The following ASIC2 variants were observed in gnomAD, a reference collection of about 807,000 sequenced individuals.
ASIC2 encodes acid-sensing ion channel 2.
Under a neutral mutation model 57.3 loss-of-function variants are expected in ASIC2, and 25 were observed. The ratio of observed to expected loss-of-function variants is 0.44; its 90% CI spans 0.32 to 0.61. The LOEUF (loss-of-function observed/expected upper bound fraction) is 0.61. Ranked by LOEUF, ASIC2 falls within the 20% of genes least tolerant of loss-of-function variation. The pLI is 0.06. For missense variants in ASIC2, 641 were observed against 738.1 expected (o/e 0.87, Z 1.52); for synonymous variants, 319 against 307.5 (o/e 1.04, Z -0.39).
intron 1 of ASIC2, among the ~76,000 whole-genome samples, chr17:33,685,109 C>T (rs1908140140): frequency 6.6e-6 from 1 of 152,130 alleles, no homozygotes; most frequent in East Asian, 1.9e-4. Context: ...TCTGGTTCCC[C>T]CTGGGGGGGC....
At chr17:33,446,214 C>A (rs1210158939) in intron 1 of ASIC2, among the ~76,000 whole-genome samples, 1 of 152,004 alleles carries the variant, frequency 6.6e-6, no homozygotes, top group Non-Finnish European at 1.5e-5. Context: ...TTTTTCTTCC[C>A]AAGAACATCC....
intron 1 of ASIC2, among the ~76,000 whole-genome samples, chr17:34,024,633 C>T (rs1907305114): frequency 6.6e-6 from 1 of 152,180 alleles, no homozygotes; most frequent in African/African-American, 2.4e-5. Flanking sequence ...TCTGGGTTTC[C>T]ATTGCCTGTT....
intron 1 of ASIC2, among the ~76,000 whole-genome samples, chr17:34,125,168 A>G (rs533804487): frequency 6.6e-6 from 1 of 151,788 alleles, no homozygotes; most frequent in Non-Finnish European, 1.5e-5. Context: ...CCCTCACCAC[A>G]GTGCTACTGA....
chr17:33,960,468 T>C (rs1405010594), intron 1 of ASIC2, among the ~76,000 whole-genome samples: 2 of 152,212 alleles, frequency 1.3e-5, no homozygotes, highest in Non-Finnish European at 2.9e-5. Context: ...GACTGGAGAT[T>C]GATCCTGGAC....
chr17:33,395,055 C>CCCAT (rs1174543202), intron 1 of ASIC2, among the ~76,000 whole-genome samples: 1 of 146,246 alleles, frequency 6.8e-6, no homozygotes, highest in Non-Finnish European at 1.5e-5. Flanking sequence ...CATCCACCTA[C>CCCAT]CCATCCATCC....
chr17:34,084,701 A>C (rs888025925), intron 1 of ASIC2, among the ~76,000 whole-genome samples: 1 of 152,036 alleles, frequency 6.6e-6, no homozygotes, highest in African/African-American at 2.4e-5. Context: ...ATTTGTTTGT[A>C]TCCTCTTTTA....
intron 1 of ASIC2, among the ~76,000 whole-genome samples, chr17:33,582,049 A>G (rs976000825): frequency 7.2e-5 from 11 of 152,190 alleles, no homozygotes; most frequent in African/African-American, 2.7e-4. Context: ...CCCTGCCTCC[A>G]GACCCTTATT....
At position 33,469,099 on chromosome 17, in the gene ASIC2, C is replaced by A. The variant is rs1048951960; in HGVS notation, c.556-357032G>T. 2.0e-5 allele frequency among the ~76,000 whole-genome samples: 3 copies of A among 152,340 alleles called. No homozygotes were observed. The South Asian group carries it at 6.2e-4, about 32-fold the overall frequency. Reference sequence around the variant, plus strand: ...GTTGGCAGGATGCTTTCTGGCATTGCCAACCCAGAAGGGCCTAAGCAGTGG... The same window carrying A: ...GTTGGCAGGATGCTTTCTGGCATTGACAACCCAGAAGGGCCTAAGCAGTGG... On this transcript the variant is annotated intron_variant, in intron 1 of 9. Coordinates refer to the ASIC2 transcript ENST00000359872.
At chr17:33,511,947 G>C (rs1280812612) in intron 1 of ASIC2, among the ~76,000 whole-genome samples, 2 of 152,160 alleles carry the variant, frequency 1.3e-5, no homozygotes, top group Non-Finnish European at 2.9e-5. Context: ...AAACCACAGA[G>C]GTCAAGAGGG....
At chr17:34,139,676 T>A (rs998642827) in intron 1 of ASIC2, among the ~76,000 whole-genome samples, 14 of 152,194 alleles carry the variant, frequency 9.2e-5, no homozygotes, top group African/African-American at 3.4e-4. Context: ...ACTACATGAC[T>A]GCATTTATAC....
At chr17:33,935,122 A>G (rs1279260726) in intron 1 of ASIC2, among the ~76,000 whole-genome samples, 1 of 152,056 alleles carries the variant, frequency 6.6e-6, no homozygotes, top group Non-Finnish European at 1.5e-5. Context: ...GCCCCAAACA[A>G]TCATGTCACA....
rs554901896 is a variant in ASIC2, at chr17:33,666,369, G to A, written c.555+489609C>T. Among the ~76,000 whole-genome samples the A allele has an allele frequency of 3.3e-5, 5 of 152,282 alleles. No individual in the cohort carries two copies. The East Asian group carries it at 5.8e-4, about 18-fold the overall frequency. On this transcript the variant is annotated intron_variant, in intron 1 of 9. Coordinates refer to the ASIC2 transcript ENST00000359872. Reference sequence around the variant, plus strand: ...GATTTTGAGTGTGTGGGTGGCAGAAGGTACTTTTAGGTTGGGGTCACAGTG... The same window carrying A: ...GATTTTGAGTGTGTGGGTGGCAGAAAGTACTTTTAGGTTGGGGTCACAGTG...
intron 1 of ASIC2, among the ~76,000 whole-genome samples, chr17:33,631,750 G>C (rs1294107792): frequency 1.3e-5 from 2 of 152,154 alleles, no homozygotes; most frequent in African/African-American, 4.8e-5. Context: ...GAACTCTGGA[G>C]CACCTGAAAA....
intron 3 of ASIC2, among the ~76,000 whole-genome samples, chr17:33,085,712 T>G (rs1351843418): frequency 2.0e-5 from 3 of 152,168 alleles, no homozygotes. Flanking sequence ...CAGAAGAAAA[T>G]AAATTATTCA....
intron 1 of ASIC2, among the ~76,000 whole-genome samples, chr17:33,121,692 A>G (rs2092302867): frequency 6.6e-6 from 1 of 152,114 alleles, no homozygotes; most frequent in Admixed American, 6.5e-5. Flanking sequence ...TATGGGCTCT[A>G]CTAAGAGGCG....
At chr17:33,455,275 G>A (rs112064077) in intron 1 of ASIC2, among the ~76,000 whole-genome samples, 1 of 152,322 alleles carries the variant, frequency 6.6e-6, no homozygotes, top group African/African-American at 2.4e-5. Flanking sequence ...AATTTGGGGT[G>A]TGAATGATCC....
chr17:33,837,815 C>T (rs1395309525), intron 1 of ASIC2, among the ~76,000 whole-genome samples: 4 of 152,150 alleles, frequency 2.6e-5, no homozygotes, highest in Non-Finnish European at 5.9e-5. Context: ...ACCCACCCTT[C>T]CTGTCTCATC....
intron 1 of ASIC2, among the ~76,000 whole-genome samples, chr17:34,084,458 T>C (rs1417173559): frequency 6.6e-6 from 1 of 152,228 alleles, no homozygotes; most frequent in Non-Finnish European, 1.5e-5. Context: ...CCTTGTAGTA[T>C]AGTTTGAAGT....
intron 1 of ASIC2, among the ~76,000 whole-genome samples, chr17:33,687,554 G>A (rs1262456622): frequency 6.6e-6 from 1 of 152,152 alleles, no homozygotes; most frequent in African/African-American, 2.4e-5. Flanking sequence ...GGAGAAGATG[G>A]GGGCTCTTAG....
Sources: allele counts gnomAD v4.1 joint callset (sites outside exome capture counted in the v4.1 genomes callset), GRCh38; gene constraint gnomAD v4.1.1; transcripts MANE v1.5; gene names NCBI Gene and HGNC (gene_info 2026-07-23, HGNC 2026-07-21).